FBRSL1: variants seen among roughly 807,000 people sequenced by gnomAD.
FBRSL1 encodes fibrosin-1-like protein.
In FBRSL1, 51 loss-of-function variants were observed where a neutral mutation model predicts 89.6. That is an observed-to-expected ratio of 0.57 (90% CI 0.45 to 0.72). FBRSL1 has a LOEUF of 0.72. Among genes scored for constraint, FBRSL1 ranks in the 30% least tolerant of loss-of-function variants. FBRSL1 has a pLI of 0.00. For missense variants in FBRSL1, 1,618 were observed against 1,451.8 expected (o/e 1.11, Z -1.86); for synonymous variants, 779 against 681.1 (o/e 1.14, Z -2.24).
chr12:132,561,728 C>A (rs925562637), intron 5 of FBRSL1, among the ~76,000 whole-genome samples: 2 of 152,206 alleles, frequency 1.3e-5, no homozygotes, highest in African/African-American at 4.8e-5. Flanking sequence ...AAGAAGAGGG[C>A]CCGCGTGCGT....
intron 3 of FBRSL1, 52 bp from the exon 4 acceptor site, chr12:132,527,901 G>A (rs2035937766): frequency 1.3e-6 from 2 of 1,536,020 alleles, no homozygotes; most frequent in Admixed American, 2.0e-5. Flanking sequence ...GCATCCCTGG[G>A]AGTTTGTTCC....
chr12:132,558,588 G>A (rs1021148528), intron 5 of FBRSL1, among the ~76,000 whole-genome samples: 6 of 152,232 alleles, frequency 3.9e-5, no homozygotes, highest in African/African-American at 1.4e-4. Flanking sequence ...AGAACCTGAG[G>A]GCTGGAACTC....
intron 15 of FBRSL1, chr12:132,580,986 C>T (rs557716824): frequency 1.4e-3 from 1,392 of 985,464 alleles, no homozygotes; most frequent in Non-Finnish European, 1.6e-3. Context: ...AAGGGGCTGC[C>T]ATGTGCAGCC....
intron 1 of FBRSL1, among the ~76,000 whole-genome samples, chr12:132,496,732 C>T (rs1051485350): frequency 6.6e-6 from 1 of 152,266 alleles, no homozygotes; most frequent in Admixed American, 6.5e-5. Flanking sequence ...TCCCCACATT[C>T]TGATGGGCGC....
intron 4 of FBRSL1, among the ~76,000 whole-genome samples, chr12:132,536,242 A>G (rs1157786624): frequency 1.3e-5 from 2 of 148,160 alleles, no homozygotes; most frequent in African/African-American, 5.0e-5. Flanking sequence ...GTGAGTGCAC[A>G]TGTACATGAC....
At chr12:132,548,739 C>T (rs1005397182) in intron 5 of FBRSL1, among the ~76,000 whole-genome samples, 1 of 152,212 alleles carries the variant, frequency 6.6e-6, no homozygotes, top group Non-Finnish European at 1.5e-5. Flanking sequence ...ACCACTGCAC[C>T]TCACTGTCTC....
chr12:132,547,307 GGACAGTCA>G (rs1566179623), intron 4 of FBRSL1, among the ~76,000 whole-genome samples: 3 of 151,452 alleles, frequency 2.0e-5, no homozygotes, highest in African/African-American at 7.3e-5. Context: ...AACGGAGAAC[GGACAGTCA>G]GTGTGTTCTT....
chr12:132,493,528 C>T lies in FBRSL1; in HGVS notation c.291+2667C>T, dbSNP rs574264686. On this transcript the variant is annotated intron_variant, in intron 1 of 18. Transcript: ENST00000680143. The stretch of plus-strand genomic sequence containing the variant: ...AGCCCTGGCCCCTGGGGCAGACCCC[C>T]ACTCGCAGCCCCTTCTGACCCCAGG... Among the ~76,000 whole-genome samples the T allele has an allele frequency of 2.6e-5, 4 of 152,314 alleles. No homozygotes were observed. In the South Asian group the frequency reaches 6.2e-4, roughly 24 times the overall value.
At chr12:132,496,399 C>T (rs2032037347) in intron 1 of FBRSL1, among the ~76,000 whole-genome samples, 1 of 152,158 alleles carries the variant, frequency 6.6e-6, no homozygotes, top group Admixed American at 6.5e-5. Flanking sequence ...GGGTCTGTTC[C>T]CTGCCGAGGG....
At position 132,580,489 on chromosome 12, in the gene FBRSL1, G is replaced by T. The variant is rs576507362; in HGVS notation, c.1835-950G>T. Among the ~76,000 whole-genome samples, 24 of 152,290 alleles carry T rather than the reference G, an allele frequency of 1.6e-4. No homozygotes were observed. In the South Asian group the frequency reaches 3.9e-3, roughly 25 times the overall value. ...TTTCTGGCCCTGTCTAGCTTGATCT[G>T]GTGGTTGAGAATATTAATTCCTCAG... On this transcript the variant is annotated intron_variant, in intron 15 of 18. Coordinates refer to ENST00000680143, the MANE Select transcript of FBRSL1 (RefSeq NM_001367871.1).
At chr12:132,578,368 A>ACACACACACACACACACAC (rs1566244750) in intron 15 of FBRSL1, among the ~76,000 whole-genome samples, 19 of 26,572 alleles carry the variant, frequency 7.2e-4, no homozygotes, top group African/African-American at 1.6e-3. Flanking sequence ...CACACACACA[A>ACACACACACACACACACAC]AATCATAGAG....
chr12:132,508,210 AAGAAGCCCCGGG>A lies in FBRSL1; in HGVS notation c.352_363del (p.Lys118_Glu121del). On this transcript the variant is annotated inframe_deletion, in exon 2 of 19. Transcript: ENST00000680143. ...GGAGAAGTGGGAGCGTCGTCTCATC[AAGAAGCCCCGGG>A]AGTCGGAAACCTGCCCCCCTGCGGA... 1.3e-6 allele frequency: 2 copies of A among 1,551,184 alleles called. No individual in the cohort carries two copies. The highest frequency in any genetic ancestry group is 1.7e-6 in the Non-Finnish European group (2 of 1,146,956).
chr12:132,581,855 C>G, intron 17 of FBRSL1, 31 bp downstream of exon 17: 3 of 1,501,960 alleles, frequency 2.0e-6, no homozygotes, highest in Middle Eastern at 2.1e-4. Flanking sequence ...CCCCCTCCCC[C>G]GATGCCCGCG....
intron 15 of FBRSL1, among the ~76,000 whole-genome samples, chr12:132,577,777 C>T (rs774111510): frequency 2.6e-5 from 4 of 152,232 alleles, no homozygotes; most frequent in East Asian, 1.9e-4. Flanking sequence ...AAAGTGGGCT[C>T]GAAGTTCAAC....
At chr12:132,564,546 A>T (rs565594436) in intron 5 of FBRSL1, among the ~76,000 whole-genome samples, 50,856 of 109,296 alleles carry the variant, frequency 0.47, 11,036 homozygotes, top group East Asian at 0.84. Context: ...CCCAGGCTGG[A>T]GTCCAGTGGT....
At chr12:132,566,529 C>T (rs1161584927) in intron 5 of FBRSL1, 1 of 34,342 alleles carries the variant, frequency 2.9e-5, no homozygotes, top group Non-Finnish European at 4.7e-5. Context: ...CTCCGTCCAC[C>T]CCTCCCCATC....
intron 3 of FBRSL1, among the ~76,000 whole-genome samples, chr12:132,527,567 C>A (rs1593350091): frequency 6.6e-6 from 1 of 152,170 alleles, no homozygotes; most frequent in Non-Finnish European, 1.5e-5. Flanking sequence ...TGGACCTGTC[C>A]CCATCCGAGT....
intron 4 of FBRSL1, among the ~76,000 whole-genome samples, chr12:132,533,119 C>T (rs573498968): frequency 3.5e-4 from 53 of 151,182 alleles, no homozygotes; most frequent in Admixed American, 7.2e-4. Context: ...AGTCAGAGAG[C>T]TGCAGTCTCC....
At chr12:132,512,092 C>T (rs913542327) in intron 2 of FBRSL1, 1 of 845,130 alleles carries the variant, frequency 1.2e-6, no homozygotes, top group African/African-American at 1.8e-5. Flanking sequence ...CTGTTCCTGA[C>T]CTTCCTGCCC....
Sources: allele counts gnomAD v4.1 joint callset (sites outside exome capture counted in the v4.1 genomes callset), GRCh38; gene constraint gnomAD v4.1.1; transcripts MANE v1.5; gene names NCBI Gene and HGNC (gene_info 2026-07-23, HGNC 2026-07-21).